The following SYNPR variants were observed in gnomAD, a reference collection of about 807,000 sequenced individuals.
SYNPR encodes the protein synaptoporin.
Under a neutral mutation model 32.9 loss-of-function variants are expected in SYNPR, and 23 were observed. That is an observed-to-expected ratio of 0.70 (90% confidence interval 0.50 to 0.99). SYNPR has a LOEUF of 0.99. Among genes scored for constraint, SYNPR ranks in the 50% least tolerant of loss-of-function variants. The pLI is 0.00. For missense variants in SYNPR, 318 were observed against 349.3 expected (o/e 0.91, Z 0.71); for synonymous variants, 146 against 135.9 (o/e 1.07, Z -0.52).
intron 2 of SYNPR, among the ~76,000 whole-genome samples, chr3:63,459,964 C>T (rs1259769507): frequency 6.6e-6 from 1 of 152,098 alleles, no homozygotes; most frequent in East Asian, 1.9e-4. Flanking sequence ...GTCAATCTGT[C>T]TACTTCTCTT....
chr3:63,604,575 G>A (rs1700091783), intron 4 of SYNPR, among the ~76,000 whole-genome samples: 1 of 152,100 alleles, frequency 6.6e-6, no homozygotes, highest in South Asian at 2.1e-4. Context: ...ATTTATTGAT[G>A]TCTGCCTAGA....
intron 4 of SYNPR, among the ~76,000 whole-genome samples, chr3:63,582,540 T>C (rs1703110258): frequency 1.3e-5 from 2 of 152,108 alleles, no homozygotes. Flanking sequence ...TTCAGCTCCA[T>C]GGTTTCATTA....
chr3:63,265,343 C>T (rs1225228113), intron 2 of SYNPR, among the ~76,000 whole-genome samples: 4 of 147,402 alleles, frequency 2.7e-5, no homozygotes, highest in Non-Finnish European at 6.0e-5. Flanking sequence ...ACTCCGCCTC[C>T]CAGGCTCAAG....
chr3:63,306,379 C>T (rs953158241), intron 2 of SYNPR, among the ~76,000 whole-genome samples: 4 of 151,998 alleles, frequency 2.6e-5, no homozygotes, highest in East Asian at 3.9e-4. Context: ...TCCTCACTCT[C>T]GAAAGATTAA....
intron 4 of SYNPR, among the ~76,000 whole-genome samples, chr3:63,585,861 G>A (rs768537353): frequency 1.3e-5 from 2 of 152,050 alleles, no homozygotes; most frequent in African/African-American, 2.4e-5. Flanking sequence ...TATTGCCAAA[G>A]GCTATGTGCC....
rs138792050 is a variant in SYNPR at position 63,392,354 on chromosome 3, G to C, written c.85-88478G>C. 4.2e-3 allele frequency among the ~76,000 whole-genome samples: 634 copies of C among 152,218 alleles called. 10 individuals are homozygous for C. The highest frequency in any genetic ancestry group is 0.015 in the African/African-American group (604 of 41,546). ...CAAACTCTTCAAATTATCATTTTCT[G>C]TCCCACATTTGCCAAAAAAAGGAAT... On this transcript the variant is annotated intron_variant, in intron 2 of 5. Transcript: ENST00000478300.
In SYNPR at chr3:63,313,960, CATAT is replaced by C. The variant is rs58679973; in HGVS notation, c.84+35227_84+35230del. ...ATATATATCCATATATATATATATCCATATATATATATCCATATATATATATATC... is the reference window on the plus strand; with the variant it reads ...ATATATATCCATATATATATATATCCATATATATCCATATATATATATATC... On this transcript the variant is annotated intron_variant, in intron 2 of 5. Transcript: ENST00000478300. Among the ~76,000 whole-genome samples, 5 of 1,622 alleles carry C rather than the reference CATAT, an allele frequency of 3.1e-3. 1 individual carries two copies. Among genetic ancestry groups the C allele is most frequent in the South Asian group, 0.083 (2 of 24 alleles). The allele number at this position is 1,622 out of a possible 152,430, so 1.1% of individuals were successfully genotyped here.
In SYNPR at chr3:63,463,883, A is replaced by G. The variant is rs570995647; in HGVS notation, c.85-16949A>G. Among the ~76,000 whole-genome samples the G allele has an allele frequency of 1.8e-4, 28 of 152,152 alleles. 1 individual carries two copies. The South Asian group carries it at 5.4e-3, about 29-fold the overall frequency. ...GAATCTTGTCATTCAATTTTTGTAA[A>G]TTTTATTTATCTATTTTTTTGTAAT... On this transcript the variant is annotated intron_variant, in intron 2 of 5. Coordinates refer to ENST00000478300, the MANE Select transcript of SYNPR (RefSeq NM_001130003.2).
At chr3:63,296,808 TA>T (rs1396577994) in intron 2 of SYNPR, among the ~76,000 whole-genome samples, 1 of 152,146 alleles carries the variant, frequency 6.6e-6, no homozygotes, top group Admixed American at 6.5e-5. Flanking sequence ...AATCAATAAA[TA>T]AATGAATCCT....
At chr3:63,583,160 TGTCACAAGGTCA>T (rs1703122429) in intron 4 of SYNPR, among the ~76,000 whole-genome samples, 1 of 152,032 alleles carries the variant, frequency 6.6e-6, no homozygotes, top group East Asian at 1.9e-4. Flanking sequence ...AGAAGAAGAA[TGTCACAAGGTCA>T]GTTGATCAGT....
At chr3:63,534,594 G>T (rs139739565) in intron 3 of SYNPR, among the ~76,000 whole-genome samples, 417 of 152,234 alleles carry the variant, frequency 2.7e-3, no homozygotes, top group African/African-American at 9.4e-3. Context: ...TACAGTTAGT[G>T]TTGCTATAAC....
chr3:63,373,202 C>T (rs1175264814), intron 2 of SYNPR, among the ~76,000 whole-genome samples: 1 of 152,064 alleles, frequency 6.6e-6, no homozygotes, highest in Admixed American at 6.5e-5. Context: ...ACACTAGTTC[C>T]CCAGCAAGGG....
intron 3 of SYNPR, among the ~76,000 whole-genome samples, chr3:63,522,399 G>A (rs1701934541): frequency 6.6e-6 from 1 of 152,176 alleles, no homozygotes; most frequent in African/African-American, 2.4e-5. Flanking sequence ...GTAACTTGAT[G>A]TTGGACACTT....
At chr3:63,204,248 G>A in the SYNPR span, among the ~76,000 whole-genome samples, 2 of 152,138 alleles carry the variant, frequency 1.3e-5, no homozygotes, top group African/African-American at 4.8e-5. Flanking sequence ...AAATCAAGAT[G>A]TTGGGAGGGC....
intron 5 of SYNPR, among the ~76,000 whole-genome samples, chr3:63,610,027 G>A (rs1178382680): frequency 1.3e-5 from 2 of 152,166 alleles, no homozygotes; most frequent in Non-Finnish European, 2.9e-5. Flanking sequence ...CATGTAGCTG[G>A]AATACACCCA....
At chr3:63,279,697 T>C (rs2086610457) in intron 2 of SYNPR, among the ~76,000 whole-genome samples, 1 of 152,218 alleles carries the variant, frequency 6.6e-6, no homozygotes. Context: ...TAACACTGAC[T>C]AGCTGGGAAA....
At chr3:63,260,302 G>C (rs542621751) in intron 2 of SYNPR, among the ~76,000 whole-genome samples, 2 of 152,060 alleles carry the variant, frequency 1.3e-5, no homozygotes, top group Non-Finnish European at 2.9e-5. Flanking sequence ...GAGGCATCAC[G>C]CTACCTGACA....
chr3:63,204,937 C>T, the SYNPR span, among the ~76,000 whole-genome samples: 1 of 152,146 alleles, frequency 6.6e-6, no homozygotes, highest in African/African-American at 2.4e-5. Context: ...ATCTGCCCAC[C>T]TCAGCCTCCC....
At chr3:63,576,750 A>AACT (rs1283993832) in intron 4 of SYNPR, among the ~76,000 whole-genome samples, 2 of 151,266 alleles carry the variant, frequency 1.3e-5, no homozygotes, top group Non-Finnish European at 3.0e-5. Flanking sequence ...GAGATTGCAC[A>AACT]ACTACACTCC....
Sources: allele counts gnomAD v4.1 joint callset (sites outside exome capture counted in the v4.1 genomes callset), GRCh38; gene constraint gnomAD v4.1.1; transcripts MANE v1.5; gene names NCBI Gene and HGNC (gene_info 2026-07-23, HGNC 2026-07-21).